The following DNAH5 variants were observed in gnomAD, a reference collection of about 807,000 sequenced individuals.
The protein encoded by DNAH5 is dynein axonemal heavy chain 5, also known as axonemal beta dynein heavy chain 5.
A neutral mutation model predicts 518.2 loss-of-function variants in DNAH5; 372 were observed. The ratio of observed to expected loss-of-function variants is 0.72; its 90% CI spans 0.66 to 0.78. DNAH5 has a LOEUF of 0.78. Ranked by LOEUF, DNAH5 falls within the 30% of genes least tolerant of loss-of-function variation. The pLI, the probability that DNAH5 is intolerant of heterozygous loss-of-function variation, is 0.00. For missense variants in DNAH5, 5,523 were observed against 5,687.0 expected (o/e 0.97, Z 0.93); for synonymous variants, 2,039 against 2,025.9 (o/e 1.01, Z -0.17).
chr5:13,830,206 T>C lies in DNAH5; in HGVS notation c.6069A>G (p.Ala2023=), dbSNP rs1763457601. ...CAAAACAACCCCAGGATCCAGACTG[T>C]GCCAGTCCTTCGAAAGGAAATTAAA... ...RGLGRIFKGL[A]QSGSWGCFDE... The change falls in exon 37 of 79, where the codon GCA becomes GCG. Residue 2023 remains alanine (A), a synonymous_variant. Coordinates refer to ENST00000265104, the MANE Select transcript of DNAH5 (RefSeq NM_001369.3). 2 of 1,613,670 alleles carry C rather than the reference T, an allele frequency of 1.2e-6. No individual in the cohort carries two copies. Among genetic ancestry groups the C allele is most frequent in the Non-Finnish European group, 8.5e-7 (1 of 1,179,820 alleles).
At chr5:13,837,424 G>A (rs17207623) in intron 35 of DNAH5, among the ~76,000 whole-genome samples, 1,846 of 152,230 alleles carry the variant, frequency 0.012, 14 homozygotes, top group South Asian at 0.023. Context: ...GAAAATGGAT[G>A]TTGCTTCCAG....
At chr5:13,926,127 G>A (rs989849855) in intron 3 of DNAH5, among the ~76,000 whole-genome samples, 7 of 152,178 alleles carry the variant, frequency 4.6e-5, no homozygotes, top group Admixed American at 4.6e-4. Context: ...AGGGACCTAG[G>A]AACCCAGGTG....
chr5:13,702,988 C>T (rs964715868), intron 76 of DNAH5, among the ~76,000 whole-genome samples: 1 of 152,094 alleles, frequency 6.6e-6, no homozygotes, highest in Non-Finnish European at 1.5e-5. Context: ...CTGACGCAAT[C>T]CCCCTCTGTC....
chr5:13,937,435 G>T (rs749903234), intron 1 of DNAH5, among the ~76,000 whole-genome samples: 1 of 150,742 alleles, frequency 6.6e-6, no homozygotes, highest in African/African-American at 2.4e-5. Context: ...CTGCACTCCT[G>T]TGTCTCTCAG....
At chr5:13,850,362 C>G (rs1766660903) in intron 31 of DNAH5, among the ~76,000 whole-genome samples, 1 of 152,198 alleles carries the variant, frequency 6.6e-6, no homozygotes, top group East Asian at 1.9e-4. Context: ...AGAAGAATGT[C>G]AGAAAATAGG....
chr5:14,004,203 G>A (rs1231415908), intron 1 of DNAH5, among the ~76,000 whole-genome samples: 1 of 152,194 alleles, frequency 6.6e-6, no homozygotes, highest in African/African-American at 2.4e-5. Context: ...TCTAGGTCAA[G>A]AGTCCCCCTG....
intron 28 of DNAH5, 114 bp from the exon 29 acceptor site, chr5:13,862,861 T>C (rs1020728436): frequency 3.1e-5 from 7 of 227,418 alleles, no homozygotes; most frequent in Non-Finnish European, 4.9e-5. Context: ...TAAATATATA[T>C]ATAAACTTTT....
At chr5:13,963,791 TG>T (rs1781348455) in intron 1 of DNAH5, among the ~76,000 whole-genome samples, 1 of 152,096 alleles carries the variant, frequency 6.6e-6, no homozygotes, top group Non-Finnish European at 1.5e-5. Context: ...TGGACTCAAA[TG>T]ATCCTCCTGC....
At chr5:13,767,869 A>G (rs1752724863) in intron 58 of DNAH5, among the ~76,000 whole-genome samples, 1 of 152,210 alleles carries the variant, frequency 6.6e-6, no homozygotes, top group Admixed American at 6.5e-5. Context: ...TGAGCTGGTT[A>G]AAGTCACATT....
intron 56 of DNAH5, among the ~76,000 whole-genome samples, chr5:13,770,180 C>A (rs180704050): frequency 6.6e-6 from 1 of 152,118 alleles, no homozygotes; most frequent in African/African-American, 2.4e-5. Flanking sequence ...ATTCTAGCCA[C>A]GCTCAGGAAG....
Position 13,901,523 on chromosome 5 carries a change from T to C in DNAH5, c.1781A>G (p.Glu594Gly). The change falls in exon 14 of 79, where the codon GAG becomes GGG. Residue 594 changes from glutamate (E) to glycine (G), a missense_variant. Glu to Gly is a moderately conservative substitution (Grantham distance 98). This residue lies in a region of DNAH5 where 5,121 missense variants were observed against 5,223.3 expected (regional missense o/e 0.98). Transcript: ENST00000265104. ...CATATCAATGTCAGCCCCATAGTTCTCAAGGATAAGTTGATATTTGTCATC... is the reference window on the plus strand; with the variant it reads ...CATATCAATGTCAGCCCCATAGTTCCCAAGGATAAGTTGATATTTGTCATC... ...GIDDKYQLIL[E>G]NYGADIDMIS... 1.2e-6 allele frequency: 2 copies of C among 1,613,648 alleles called. No individual in the cohort carries two copies. Among genetic ancestry groups the C allele is most frequent in the Non-Finnish European group, 8.5e-7 (1 of 1,179,948 alleles).
rs552664098 is a variant in DNAH5, at chr5:13,908,841, T to A, written c.1644+2545A>T. ...ACTCATGAAGACTTTCACTTGAGAT[T>A]CCACTGTTGCTGAGTCTCTCCAAGA... On this transcript the variant is annotated intron_variant, in intron 12 of 78. Transcript: ENST00000265104. 8.5e-5 allele frequency among the ~76,000 whole-genome samples: 13 copies of A among 152,310 alleles called. No homozygotes were observed. The South Asian group carries it at 2.3e-3, about 27-fold the overall frequency.
intron 58 of DNAH5, 68 bp downstream of exon 58, chr5:13,768,892 T>C (rs1752893250): frequency 6.5e-7 from 1 of 1,538,290 alleles, no homozygotes; most frequent in East Asian, 2.3e-5. Context: ...TTGCTGTTAT[T>C]CATCTTTTTA....
intron 41 of DNAH5, among the ~76,000 whole-genome samples, chr5:13,818,688 C>A (rs193269300): frequency 5.3e-5 from 8 of 152,198 alleles, no homozygotes; most frequent in Admixed American, 2.0e-4. Context: ...TTCCTTATAG[C>A]AATTCCCTGT....
At chr5:13,971,072 A>C (rs898915218) in intron 1 of DNAH5, among the ~76,000 whole-genome samples, 1 of 151,530 alleles carries the variant, frequency 6.6e-6, no homozygotes, top group African/African-American at 2.4e-5. Flanking sequence ...GTTTTATTCT[A>C]TTGCTGAGAC....
chr5:13,716,276 C>T (rs1008752317), intron 74 of DNAH5, among the ~76,000 whole-genome samples: 8 of 152,076 alleles, frequency 5.3e-5, no homozygotes, highest in Non-Finnish European at 1.0e-4. Context: ...GATGGAAACA[C>T]GATTCACACA....
chr5:13,858,997 G>T (rs771643726), intron 30 of DNAH5, among the ~76,000 whole-genome samples: 2 of 152,032 alleles, frequency 1.3e-5, no homozygotes, highest in Non-Finnish European at 2.9e-5. Flanking sequence ...TTTTGTTTTG[G>T]AGATTTTTTC....
chr5:13,723,993 G>C (rs1212029739), intron 70 of DNAH5, among the ~76,000 whole-genome samples: 2 of 152,178 alleles, frequency 1.3e-5, no homozygotes, highest in Non-Finnish European at 2.9e-5. Context: ...ATGAGTCTGT[G>C]GGGCAAATGT....
chr5:13,765,887 T>C (rs2126761140), intron 59 of DNAH5, 89 bp downstream of exon 59: 1 of 1,321,846 alleles, frequency 7.6e-7, no homozygotes. Flanking sequence ...TAGAGTAAGT[T>C]CTTTTTTTAG....
Sources: allele counts gnomAD v4.1 joint callset (sites outside exome capture counted in the v4.1 genomes callset), GRCh38; gene constraint gnomAD v4.1.1; regional missense constraint gnomAD v4.1.1; transcripts MANE v1.5; gene names NCBI Gene and HGNC (gene_info 2026-07-23, HGNC 2026-07-21).